SEZ6L: variants seen among roughly 807,000 people sequenced by gnomAD.
The protein encoded by SEZ6L is seizure related 6 homolog like.
A neutral mutation model predicts 106.2 loss-of-function variants in SEZ6L; 37 were observed. The ratio of observed to expected loss-of-function variants is 0.35; its 90% CI spans 0.27 to 0.46. The LOEUF is 0.46. Ranked by LOEUF, SEZ6L falls within the 20% of genes least tolerant of loss-of-function variation. The pLI is 1.00. For synonymous variants in SEZ6L, 541 were observed against 570.4 expected (o/e 0.95, Z 0.73); for missense variants, 1,172 against 1,332.8 (o/e 0.88, Z 1.88).
intron 1 of SEZ6L, among the ~76,000 whole-genome samples, chr22:26,190,686 A>G (rs1322043296): frequency 6.6e-6 from 1 of 152,210 alleles, no homozygotes; most frequent in Non-Finnish European, 1.5e-5. Flanking sequence ...CTGATTGGCC[A>G]GCCCTGACCT....
intron 11 of SEZ6L, among the ~76,000 whole-genome samples, chr22:26,348,698 G>GAA (rs1569473834): frequency 1.1e-5 from 1 of 93,750 alleles, no homozygotes; most frequent in African/African-American, 4.4e-5. Context: ...AAGAAAGAAA[G>GAA]AAAGAAGGCA....
chr22:26,235,214 A>G (rs2078922564), intron 1 of SEZ6L, among the ~76,000 whole-genome samples: 1 of 152,148 alleles, frequency 6.6e-6, no homozygotes, highest in African/African-American at 2.4e-5. Flanking sequence ...AGCCCATTGT[A>G]TGATGTTTAA....
intron 1 of SEZ6L, among the ~76,000 whole-genome samples, chr22:26,242,322 T>A (rs1265461435): frequency 6.6e-6 from 1 of 152,238 alleles, no homozygotes; most frequent in Admixed American, 6.5e-5. Context: ...CCAGGCTCAT[T>A]CTGTATGAGG....
At chr22:26,315,115 C>A (rs551103455) in intron 9 of SEZ6L, among the ~76,000 whole-genome samples, 13 of 152,300 alleles carry the variant, frequency 8.5e-5, no homozygotes, top group African/African-American at 3.1e-4. Context: ...TACAGAGGAA[C>A]CTTGCAAGAG....
chr22:26,263,835 G>A (rs1291826015), intron 1 of SEZ6L, among the ~76,000 whole-genome samples: 2 of 152,110 alleles, frequency 1.3e-5, no homozygotes, highest in Admixed American at 6.6e-5. Flanking sequence ...TCAATCCCAA[G>A]ACTTCTTGAC....
intron 1 of SEZ6L, among the ~76,000 whole-genome samples, chr22:26,210,829 A>G (rs2078136714): frequency 6.6e-6 from 1 of 152,158 alleles, no homozygotes; most frequent in Non-Finnish European, 1.5e-5. Context: ...ACTTTAAAGG[A>G]TTTGTTCCAA....
chr22:26,227,464 G>C (rs1243191344), intron 1 of SEZ6L, among the ~76,000 whole-genome samples: 1 of 152,214 alleles, frequency 6.6e-6, no homozygotes, highest in South Asian at 2.1e-4. Flanking sequence ...CTGGAGGGCA[G>C]TGGTGTGATC....
chr22:26,270,615 C>A (rs193029550), intron 1 of SEZ6L, among the ~76,000 whole-genome samples: 2 of 152,176 alleles, frequency 1.3e-5, no homozygotes, highest in Non-Finnish European at 2.9e-5. Flanking sequence ...AGGGAGAGGA[C>A]CCTTAGAGAT....
intron 12 of SEZ6L, among the ~76,000 whole-genome samples, chr22:26,354,952 G>A (rs1569476231): frequency 6.6e-6 from 1 of 152,244 alleles, no homozygotes; most frequent in Non-Finnish European, 1.5e-5. Context: ...GACGTGACAA[G>A]CGGGTGAGGC....
chr22:26,246,621 C>T (rs538405118), intron 1 of SEZ6L, among the ~76,000 whole-genome samples: 12 of 152,244 alleles, frequency 7.9e-5, no homozygotes, highest in Admixed American at 3.9e-4. Context: ...TTCAAACCCA[C>T]TCGTGCTCCT....
At chr22:26,241,126 A>G (rs1243146410) in intron 1 of SEZ6L, among the ~76,000 whole-genome samples, 1 of 152,178 alleles carries the variant, frequency 6.6e-6, no homozygotes, top group Non-Finnish European at 1.5e-5. Context: ...CCCCATTCGA[A>G]AGATGGTGAA....
chr22:26,237,633 T>C (rs2078992870), intron 1 of SEZ6L, among the ~76,000 whole-genome samples: 1 of 152,256 alleles, frequency 6.6e-6, no homozygotes, highest in Non-Finnish European at 1.5e-5. Flanking sequence ...CTGAGTGATT[T>C]ATTTGTTCAC....
chr22:26,377,745 C>T lies in SEZ6L; in HGVS notation c.3015C>T (p.Thr1005=), dbSNP rs749603111. ...SHPYSQITVE[T]EFDNPIYETG... The stretch of plus-strand genomic sequence containing the variant: ...CCTACAGCCAGATCACCGTGGAAAC[C>T]GAGTTTGACAACCCCATTTACGAGA... Residue 1005 remains threonine (T), a synonymous_variant, in exon 16 of 17, where the codon ACC becomes ACT. Coordinates refer to ENST00000248933, the MANE Select transcript of SEZ6L (RefSeq NM_021115.5). 2.0e-5 allele frequency: 32 copies of T among 1,613,752 alleles called. No individual in the cohort carries two copies. Among genetic ancestry groups the T allele is most frequent in the Admixed American group, 3.3e-5 (2 of 59,990 alleles).
intron 1 of SEZ6L, among the ~76,000 whole-genome samples, chr22:26,276,573 A>C (rs1422596109): frequency 1.3e-5 from 2 of 152,250 alleles, no homozygotes; most frequent in Admixed American, 6.5e-5. Flanking sequence ...GAAGTATAGC[A>C]TATAGGTAAT....
At chr22:26,374,778 T>C (rs528007826) in intron 14 of SEZ6L, among the ~76,000 whole-genome samples, 168 of 152,324 alleles carry the variant, frequency 1.1e-3, no homozygotes, top group African/African-American at 3.9e-3. Context: ...AGGATCCCCC[T>C]TTAAGCTATG....
chr22:26,285,829 TC>T (rs2080917581), intron 1 of SEZ6L, among the ~76,000 whole-genome samples: 2 of 152,262 alleles, frequency 1.3e-5, no homozygotes, highest in Admixed American at 1.3e-4. Flanking sequence ...CTGTGGTTTT[TC>T]AAGCCTCAAA....
At chr22:26,191,531 A>G (rs928442595) in intron 1 of SEZ6L, among the ~76,000 whole-genome samples, 28 of 147,250 alleles carry the variant, frequency 1.9e-4, no homozygotes, top group Admixed American at 3.4e-4. Context: ...TGGGAGCTGA[A>G]TTATGAGAAC....
chr22:26,375,238 C>A (rs1463434453), intron 14 of SEZ6L, among the ~76,000 whole-genome samples: 1 of 152,200 alleles, frequency 6.6e-6, no homozygotes, highest in Non-Finnish European at 1.5e-5. Flanking sequence ...TTCCCAGTTA[C>A]TGAATTTGGG....
chr22:26,261,456 C>T (rs1242032615), intron 1 of SEZ6L, among the ~76,000 whole-genome samples: 1 of 152,202 alleles, frequency 6.6e-6, no homozygotes, highest in Non-Finnish European at 1.5e-5. Context: ...ATGTGACTTG[C>T]CAATCATCCC....
Sources: allele counts gnomAD v4.1 joint callset (sites outside exome capture counted in the v4.1 genomes callset), GRCh38; gene constraint gnomAD v4.1.1; transcripts MANE v1.5; gene names NCBI Gene and HGNC (gene_info 2026-07-23, HGNC 2026-07-21).